The following EDIL3 variants were observed in gnomAD, a reference collection of about 807,000 sequenced individuals.
The protein encoded by EDIL3 is EGF like and discoidin domains 3.
Under a neutral mutation model 67.4 loss-of-function variants are expected in EDIL3, and 37 were observed. The ratio of observed to expected loss-of-function variants is 0.55; its 90% CI spans 0.42 to 0.72. The LOEUF is 0.72. EDIL3 is among the 30% of genes least tolerant of loss of function. The pLI is 0.00. For missense variants in EDIL3, 527 were observed against 586.3 expected, an observed-to-expected ratio of 0.90 and a Z score of 1.04; for synonymous variants, 195 against 196.3, an observed-to-expected ratio of 0.99 and a Z score of 0.05.
At chr5:84,285,932 T>C (rs886565484) in intron 1 of EDIL3, among the ~76,000 whole-genome samples, 9 of 152,206 alleles carry the variant, frequency 5.9e-5, no homozygotes, top group Non-Finnish European at 1.2e-4. Flanking sequence ...AGCACAGAAC[T>C]GAAATTATAT....
chr5:84,253,931 G>A (rs1387779153), intron 2 of EDIL3, among the ~76,000 whole-genome samples, 153 bp downstream of exon 2: 4 of 151,820 alleles, frequency 2.6e-5, no homozygotes, highest in Non-Finnish European at 4.4e-5. Context: ...ATATAAACTG[G>A]AAATGATACA....
intron 9 of EDIL3, among the ~76,000 whole-genome samples, chr5:84,026,158 A>G (rs1745806456): frequency 6.6e-6 from 1 of 152,162 alleles, no homozygotes; most frequent in African/African-American, 2.4e-5. Context: ...GGATGTACTG[A>G]CTCAGAATCT....
chr5:84,174,722 A>C (rs1179577556), intron 4 of EDIL3, among the ~76,000 whole-genome samples: 1 of 152,156 alleles, frequency 6.6e-6, no homozygotes, highest in Non-Finnish European at 1.5e-5. Context: ...TGTTGGGTCT[A>C]TGGAGAGCTG....
intron 9 of EDIL3, among the ~76,000 whole-genome samples, chr5:84,056,271 T>C (rs1746444670): frequency 6.6e-6 from 1 of 150,980 alleles, no homozygotes; most frequent in African/African-American, 2.4e-5. Flanking sequence ...AATTGAACAA[T>C]GAGCACACTT....
intron 1 of EDIL3, among the ~76,000 whole-genome samples, chr5:84,381,754 G>A (rs1383187669): frequency 1.3e-5 from 2 of 152,186 alleles, no homozygotes; most frequent in African/African-American, 4.8e-5. Flanking sequence ...GCAACTGTAT[G>A]CATGTTATTG....
chr5:84,293,274 C>T (rs188262636), intron 1 of EDIL3, among the ~76,000 whole-genome samples: 27 of 152,270 alleles, frequency 1.8e-4, no homozygotes, highest in Non-Finnish European at 2.9e-5. Context: ...GAGCAATTTA[C>T]AAAGTTAATT....
chr5:84,195,467 ATT>A (rs1561216754), intron 3 of EDIL3, among the ~76,000 whole-genome samples: 1 of 151,912 alleles, frequency 6.6e-6, no homozygotes, highest in African/African-American at 2.4e-5. Context: ...TTTTAATGTG[ATT>A]TTTTTGTGTG....
chr5:84,143,057 C>T (rs1580347293), intron 4 of EDIL3, among the ~76,000 whole-genome samples: 6 of 151,906 alleles, frequency 3.9e-5, no homozygotes, highest in Admixed American at 3.9e-4. Context: ...TAAAGTTTGA[C>T]CTTTTATATT....
At chr5:84,322,173 A>T (rs923830713) in intron 1 of EDIL3, among the ~76,000 whole-genome samples, 2 of 151,852 alleles carry the variant, frequency 1.3e-5, no homozygotes, top group Admixed American at 6.6e-5. Context: ...AAACTTCACG[A>T]GATATTCAAA....
intron 5 of EDIL3, among the ~76,000 whole-genome samples, chr5:84,135,136 G>C (rs1228370627): frequency 2.0e-5 from 3 of 151,922 alleles, no homozygotes; most frequent in African/African-American, 7.3e-5. Context: ...CACATTCTAG[G>C]TCTCCTCTTC....
chr5:84,314,816 T>C (rs1299202546), intron 1 of EDIL3, among the ~76,000 whole-genome samples: 1 of 152,190 alleles, frequency 6.6e-6, no homozygotes, highest in Non-Finnish European at 1.5e-5. Context: ...GCTTATTCAA[T>C]TTTTTAATGA....
chr5:84,335,862 C>T (rs1442232728), intron 1 of EDIL3, among the ~76,000 whole-genome samples: 1 of 152,142 alleles, frequency 6.6e-6, no homozygotes, highest in Non-Finnish European at 1.5e-5. Context: ...AGTCCAAGAT[C>T]AAGATGTCAG....
chr5:84,046,816 T>C (rs1350479750), intron 9 of EDIL3, among the ~76,000 whole-genome samples: 1 of 152,216 alleles, frequency 6.6e-6, no homozygotes, highest in Admixed American at 6.5e-5. Context: ...TAATTTGCAT[T>C]ATCATAAAAC....
chr5:84,260,825 G>C (rs1179247243), intron 1 of EDIL3, among the ~76,000 whole-genome samples: 1 of 151,854 alleles, frequency 6.6e-6, no homozygotes, highest in Admixed American at 6.6e-5. Context: ...AGATATAGAA[G>C]TAAAAGCAAA....
At chr5:84,025,125 A>G (rs1447463596) in intron 9 of EDIL3, among the ~76,000 whole-genome samples, 4 of 152,114 alleles carry the variant, frequency 2.6e-5, no homozygotes, top group African/African-American at 9.7e-5. Flanking sequence ...ACCTTGAAGG[A>G]CTTGACTTGC....
chr5:84,053,771 C>T (rs990939063), intron 9 of EDIL3, among the ~76,000 whole-genome samples: 3 of 152,168 alleles, frequency 2.0e-5, no homozygotes, highest in African/African-American at 7.2e-5. Context: ...GAAGTTGAAT[C>T]TCTGAATAGA....
At chr5:83,996,145 C>T (rs1011330126) in intron 9 of EDIL3, among the ~76,000 whole-genome samples, 5 of 152,138 alleles carry the variant, frequency 3.3e-5, no homozygotes, top group African/African-American at 1.2e-4. Flanking sequence ...GCAGTCAATA[C>T]ATTATGTAAG....
intron 6 of EDIL3, among the ~76,000 whole-genome samples, chr5:84,075,052 A>T (rs1307386828): frequency 2.0e-5 from 3 of 152,178 alleles, no homozygotes; most frequent in Non-Finnish European, 4.4e-5. Context: ...CTTTGTAGGG[A>T]CATGGATGAA....
intron 1 of EDIL3, among the ~76,000 whole-genome samples, chr5:84,288,079 A>G (rs557618806): frequency 6.6e-6 from 1 of 151,898 alleles, no homozygotes; most frequent in South Asian, 2.1e-4. Context: ...ACATGTCCAC[A>G]CTCCTGATAA....
Sources: allele counts gnomAD v4.1 joint callset (sites outside exome capture counted in the v4.1 genomes callset), GRCh38; gene constraint gnomAD v4.1.1; transcripts MANE v1.5; gene names NCBI Gene and HGNC (gene_info 2026-07-23, HGNC 2026-07-21).